The following MISP variants were observed in gnomAD, a reference collection of about 807,000 sequenced individuals.
MISP encodes mitotic spindle positioning.
Under a neutral mutation model 49.3 loss-of-function variants are expected in MISP, and 51 were observed. The ratio of observed to expected loss-of-function variants is 1.03; its 90% CI spans 0.83 to 1.31. The LOEUF is 1.31. Ranked by LOEUF, MISP falls within the 50% of genes most tolerant of loss-of-function variation. MISP has a pLI of 0.00. For missense variants in MISP, 1,084 were observed against 935.1 expected, an observed-to-expected ratio of 1.16 and a Z score of -2.08; for synonymous variants, 444 against 392.6, an observed-to-expected ratio of 1.13 and a Z score of -1.55.
At chr19:756,405 G>T (rs1453606787) in intron 1 of MISP, among the ~76,000 whole-genome samples, 1 of 152,038 alleles carries the variant, frequency 6.6e-6, no homozygotes, top group Non-Finnish European at 1.5e-5. Flanking sequence ...AGGCCAGTGG[G>T]TGGGATGCTC....
chr19:750,903 G>A (rs1410388796), upstream of MISP, among the ~76,000 whole-genome samples: 1 of 152,188 alleles, frequency 6.6e-6, no homozygotes. Context: ...GGCTCCTCGG[G>A]GCCACCTGGA....
chr19:758,237 C>T lies in MISP; in HGVS notation c.1291C>T (p.Pro431Ser). Residue 431 changes from proline to serine, a missense_variant, in exon 2 of 5, where the codon CCC becomes TCC. Transcript: ENST00000215582. ...TGATGCCTACCAGCCGTACCTGAGC[C>T]CCGGGACCCCCCAGCTAGAATTCTC... ...PPDAYQPYLS[P>S]GTPQLEFSAF... is the part of the protein sequence containing the mutation. 6.2e-7 allele frequency: 1 copy of T among 1,613,516 alleles called. No individual in the cohort carries two copies. Among genetic ancestry groups the T allele is most frequent in the East Asian group, 2.2e-5 (1 of 44,874 alleles).
Position 763,816 on chromosome 19 carries a change from T to G in MISP, c.*226T>G, listed in dbSNP as rs927888129. The G allele has an allele frequency of 5.6e-6, 3 of 535,662 alleles. No individual in the cohort carries two copies. The highest frequency in any genetic ancestry group is 4.8e-5 in the South Asian group (2 of 41,638). The allele number at this position is 535,662 out of a possible 1,614,324, so 33.2% of individuals were successfully genotyped here. On this transcript the variant is annotated 3_prime_UTR_variant, in exon 5 of 5. Coordinates refer to ENST00000215582, the MANE Select transcript of MISP (RefSeq NM_173481.4). ...TTCTGCCTTTGGGGTCTAAAGCTTT[T>G]GGGGATGAAATGGGACCCCTGCTGA...
At chr19:760,364 CTTTTTTTTTTT>C (rs34363064) in intron 3 of MISP, 1 of 128,788 alleles carries the variant, frequency 7.8e-6, no homozygotes, top group East Asian at 2.5e-4. Context: ...GCATTAGTTT[CTTTTTTTTTTT>C]TTTTTTTTGA....
At chr19:750,745 G>A (rs2033448776), upstream of MISP, among the ~76,000 whole-genome samples, 2 of 152,102 alleles carry the variant, frequency 1.3e-5, no homozygotes, top group Admixed American at 6.6e-5. Context: ...GACGGGATTG[G>A]GACTCAGCCC....
At chr19:755,051 G>A (rs2033527572) in intron 1 of MISP, among the ~76,000 whole-genome samples, 2 of 151,632 alleles carry the variant, frequency 1.3e-5, no homozygotes, top group South Asian at 4.1e-4. Context: ...GGAGGGTCTG[G>A]TTTGGGGTAG....
chr19:751,969 A>T (rs1005190740), intron 1 of MISP, among the ~76,000 whole-genome samples: 1 of 152,110 alleles, frequency 6.6e-6, no homozygotes, highest in African/African-American at 2.4e-5. Flanking sequence ...GGGTCCATAA[A>T]CCCAGTTTCA....
In MISP at chr19:757,097, T is replaced by C. The variant is rs757775014; in HGVS notation, c.151T>C (p.Trp51Arg). Residue 51 changes from tryptophan to arginine, a missense_variant, in exon 2 of 5, where the codon TGG (tryptophan) becomes CGG (arginine). Physicochemically the swap from Trp to Arg is moderately radical, Grantham distance 101 (BLOSUM62 -3). Transcript: ENST00000215582. ...SGWGQDEPQTWPTDHRAQQGV... is the reference protein window; with the variant it reads ...SGWGQDEPQTRPTDHRAQQGV... ...CTGGGGCCAGGATGAGCCGCAGACA[T>C]GGCCCACTGACCACAGGGCCCAGCA... 6.2e-7 allele frequency: 1 copy of C among 1,613,054 alleles called. No individual in the cohort carries two copies. The highest frequency in any genetic ancestry group is 1.3e-5 in the African/African-American group (1 of 75,060).
upstream of MISP, among the ~76,000 whole-genome samples, chr19:749,350 C>T (rs891564201): frequency 4.6e-5 from 7 of 152,326 alleles, no homozygotes; most frequent in South Asian, 6.2e-4. Context: ...ATTCCTGAGG[C>T]GCGATTTTAA....
intron 1 of MISP, among the ~76,000 whole-genome samples, chr19:752,235 C>T (rs551339878): frequency 1.3e-5 from 2 of 152,328 alleles, no homozygotes; most frequent in African/African-American, 4.8e-5. Flanking sequence ...CCGGGCCTTG[C>T]AGGGGCCATC....
At chr19:762,768 C>G (rs1362124515) in intron 4 of MISP, among the ~76,000 whole-genome samples, 1 of 152,144 alleles carries the variant, frequency 6.6e-6, no homozygotes, top group Non-Finnish European at 1.5e-5. Context: ...AAGCAATCCT[C>G]CCACCTCAGC....
At chr19:749,454 G>A (rs544896920), upstream of MISP, among the ~76,000 whole-genome samples, 11 of 143,078 alleles carry the variant, frequency 7.7e-5, no homozygotes, top group East Asian at 1.5e-3. Context: ...CCGTGAGGCC[G>A]CGCACCCTGA....
chr19:754,347 C>T (rs1356856158), intron 1 of MISP, among the ~76,000 whole-genome samples: 3 of 152,212 alleles, frequency 2.0e-5, no homozygotes, highest in African/African-American at 7.2e-5. Context: ...GCCCGTAGTC[C>T]CAGCTCTAGG....
At chr19:758,907 G>C (rs930549901) in intron 2 of MISP, among the ~76,000 whole-genome samples, 181 bp downstream of exon 2, 1 of 152,188 alleles carries the variant, frequency 6.6e-6, no homozygotes, top group African/African-American at 2.4e-5. Context: ...GTAGATTTTG[G>C]AGAGAAATGT....
chr19:762,129 T>A (rs1343774942), intron 4 of MISP, among the ~76,000 whole-genome samples: 1 of 149,348 alleles, frequency 6.7e-6, no homozygotes, highest in Non-Finnish European at 1.5e-5. Context: ...TTTTTTTGTA[T>A]TTTTAGTAGA....
chr19:754,608 C>T (rs918973092), intron 1 of MISP, among the ~76,000 whole-genome samples: 6 of 152,214 alleles, frequency 3.9e-5, no homozygotes, highest in African/African-American at 1.2e-4. Flanking sequence ...GCCTGTGCAT[C>T]GCAGCGAGAC....
chr19:750,431 C>T (rs2033444725), upstream of MISP, among the ~76,000 whole-genome samples: 1 of 152,038 alleles, frequency 6.6e-6, no homozygotes, highest in Non-Finnish European at 1.5e-5. Context: ...AACTCCTGGC[C>T]TCAAGTGATC....
rs988003607 is a variant in MISP at position 752,296 on chromosome 19, C to T, written c.-58+1125C>T. ...GGGCAGCGCCGCTGCCCAAGAATGC[C>T]GGCCATGAGAGCCGCCGTGGATCCA... On this transcript the variant is annotated intron_variant, in intron 1 of 4. Coordinates refer to ENST00000215582, the MANE Select transcript of MISP (RefSeq NM_173481.4). Among the ~76,000 whole-genome samples the T allele has an allele frequency of 5.3e-5, 8 of 152,290 alleles. No homozygotes were observed. The South Asian group carries it at 1.0e-3, about 20-fold the overall frequency.
chr19:760,989 C>CA (rs1208796943), intron 3 of MISP, among the ~76,000 whole-genome samples: 5 of 151,682 alleles, frequency 3.3e-5, no homozygotes, highest in African/African-American at 1.2e-4. Context: ...GTATGTTTAT[C>CA]CTCTTGGATG....
Sources: gnomAD v4.1 joint callset for allele counts (sites outside exome capture counted in the v4.1 genomes callset) on GRCh38, gnomAD v4.1.1 for gene constraint, MANE v1.5 for transcripts, NCBI Gene and HGNC (gene_info 2026-07-23, HGNC 2026-07-21) for gene names.